Variants in NRXN1 observed in about 807,000 individuals in gnomAD.
NRXN1 encodes the protein neurexin 1.
A neutral mutation model predicts 150.9 loss-of-function variants in NRXN1; 39 were observed. The observed-to-expected ratio is 0.26, with a 90% CI of 0.20 to 0.34. The LOEUF (loss-of-function observed/expected upper bound fraction) is 0.34, where lower values mean the gene tolerates loss of function less well. Among genes scored for constraint, NRXN1 ranks in the 10% least tolerant of loss-of-function variants. The probability of loss-of-function intolerance (pLI) is 1.00; values close to 1 mark genes in which losing one functional copy is unlikely to be tolerated. For synonymous variants in NRXN1, 924 were observed against 757.0 expected, an observed-to-expected ratio of 1.22 and a Z score of -3.62; for missense variants, 1,815 against 1,949.9, an observed-to-expected ratio of 0.93 and a Z score of 1.30.
chr2:50,805,499 T>C (rs184431279), intron 5 of NRXN1, among the ~76,000 whole-genome samples: 57 of 151,874 alleles, frequency 3.8e-4, no homozygotes, highest in African/African-American at 1.4e-3. Context: ...ACTAAAAAAA[T>C]ACAAAAATTA....
At chr2:50,227,655 C>T (rs1221312695) in intron 18 of NRXN1, among the ~76,000 whole-genome samples, 1 of 151,952 alleles carries the variant, frequency 6.6e-6, no homozygotes, top group Non-Finnish European at 1.5e-5. Flanking sequence ...AACAATCATT[C>T]TGGTAGCAGT....
At chr2:50,895,885 A>T (rs571276827) in intron 5 of NRXN1, among the ~76,000 whole-genome samples, 1 of 151,972 alleles carries the variant, frequency 6.6e-6, no homozygotes, top group Admixed American at 6.6e-5. Context: ...TGGCCTATGC[A>T]AGAAATTTTA....
Position 50,496,095 on chromosome 2 carries a change from C to G in NRXN1, c.2880G>C (p.Gly960=). Reference sequence around the variant, plus strand: ...CCAAATCAAACACGTAATGTAAGTACCTGGGAAAAAAATGAAAGAGGGGAA... The same window carrying G: ...CCAAATCAAACACGTAATGTAAGTAGCTGGGAAAAAAATGAAAGAGGGGAA... ...NDFIVVELVK[G]YLHYVFDLGN... Residue 960 remains glycine, a splice_region_variant and synonymous_variant, in exon 15 of 23, where the codon GGG becomes GGC. Coordinates refer to ENST00000401669, the MANE Select transcript of NRXN1 (RefSeq NM_001330078.2). 6.3e-7 allele frequency: 1 copy of G among 1,590,328 alleles called. No individual in the cohort carries two copies. The highest frequency in any genetic ancestry group is 8.6e-7 in the Non-Finnish European group (1 of 1,167,704).
chr2:50,828,609 G>A (rs1206127213), intron 5 of NRXN1, among the ~76,000 whole-genome samples: 4 of 151,362 alleles, frequency 2.6e-5, no homozygotes, highest in East Asian at 2.0e-4. Context: ...GGGCAAAGGC[G>A]CTCCCCACAT....
intron 17 of NRXN1, among the ~76,000 whole-genome samples, chr2:50,404,930 C>G (rs915439124): frequency 6.6e-6 from 1 of 152,010 alleles, no homozygotes; most frequent in African/African-American, 2.4e-5. Context: ...GGGTGCACCT[C>G]TCTTAGGCTC....
At chr2:49,952,345 A>C (rs981477136) in intron 21 of NRXN1, among the ~76,000 whole-genome samples, 1 of 151,948 alleles carries the variant, frequency 6.6e-6, no homozygotes, top group Non-Finnish European at 1.5e-5. Flanking sequence ...ATACACACAG[A>C]CAGGAGGTGC....
At chr2:50,905,543 C>A (rs1387462295) in intron 5 of NRXN1, among the ~76,000 whole-genome samples, 2 of 152,112 alleles carry the variant, frequency 1.3e-5, no homozygotes, top group Non-Finnish European at 2.9e-5. Flanking sequence ...ATTTGTGTTG[C>A]AGCCACACAA....
At chr2:49,956,377 T>C (rs1674947575) in intron 21 of NRXN1, among the ~76,000 whole-genome samples, 1 of 152,162 alleles carries the variant, frequency 6.6e-6, no homozygotes, top group Non-Finnish European at 1.5e-5. Context: ...CGAGAAGCAT[T>C]GTCATGTTAA....
At chr2:50,973,768 T>C (rs1245729633) in intron 2 of NRXN1, among the ~76,000 whole-genome samples, 1 of 152,136 alleles carries the variant, frequency 6.6e-6, no homozygotes. Context: ...CAAATCTGTA[T>C]CACAGAAGTT....
At chr2:50,288,409 T>C (rs1003215011) in intron 17 of NRXN1, among the ~76,000 whole-genome samples, 10 of 152,126 alleles carry the variant, frequency 6.6e-5, no homozygotes, top group Non-Finnish European at 2.9e-5. Flanking sequence ...AATGCCACAG[T>C]TGAGAAACTC....
chr2:50,523,597 T>A (rs895556284), intron 12 of NRXN1, among the ~76,000 whole-genome samples: 7 of 152,238 alleles, frequency 4.6e-5, no homozygotes, highest in Non-Finnish European at 7.3e-5. Flanking sequence ...TTGCTTTCCA[T>A]TTTTATCTAC....
At chr2:50,307,122 C>G (rs1470896732) in intron 17 of NRXN1, among the ~76,000 whole-genome samples, 1 of 151,958 alleles carries the variant, frequency 6.6e-6, no homozygotes, top group East Asian at 1.9e-4. Flanking sequence ...GCATCTGGGA[C>G]TACAGGTGTG....
intron 17 of NRXN1, among the ~76,000 whole-genome samples, chr2:50,300,863 T>C (rs2074082949): frequency 6.6e-6 from 1 of 152,128 alleles, no homozygotes; most frequent in African/African-American, 2.4e-5. Context: ...GCCTGGCTAA[T>C]TTTTGTCTTT....
chr2:50,192,896 C>T (rs1268584925), intron 18 of NRXN1, among the ~76,000 whole-genome samples: 1 of 152,154 alleles, frequency 6.6e-6, no homozygotes, highest in Admixed American at 6.6e-5. Flanking sequence ...GGATTACAGG[C>T]GTGAGCCACC....
Position 50,336,597 on chromosome 2 carries a change from T to C in NRXN1, c.3365-99627A>G, listed in dbSNP as rs76921908. 6.3e-3 allele frequency among the ~76,000 whole-genome samples: 955 copies of C among 152,358 alleles called. 12 individuals are homozygous for C. The highest frequency in any genetic ancestry group is 0.022 in the African/African-American group (917 of 41,580). On this transcript the variant is annotated intron_variant, in intron 17 of 22. Coordinates refer to ENST00000401669, the MANE Select transcript of NRXN1 (RefSeq NM_001330078.2). ...CATATAATCAGACTCATCACCACTG[T>C]TCCCTTTTAATTGTAAATCATGACT... is the stretch of plus-strand genomic sequence containing the variant.
At chr2:50,837,757 T>C (rs942899441) in intron 5 of NRXN1, among the ~76,000 whole-genome samples, 1 of 152,124 alleles carries the variant, frequency 6.6e-6, no homozygotes, top group Admixed American at 6.6e-5. Context: ...GACAAAATGT[T>C]AACAGATTTA....
intron 2 of NRXN1, among the ~76,000 whole-genome samples, chr2:50,961,803 T>G (rs985377871): frequency 6.6e-6 from 1 of 151,690 alleles, no homozygotes; most frequent in African/African-American, 2.4e-5. Context: ...AGGAGGGATT[T>G]TGTTAATTCC....
In NRXN1 at chr2:50,948,699, A is replaced by G. The variant is rs189789725; in HGVS notation, c.773-22744T>C. Among the ~76,000 whole-genome samples, 19 of 152,178 alleles carry G rather than the reference A, an allele frequency of 1.2e-4. No homozygotes were observed. In the East Asian group the frequency reaches 3.7e-3, roughly 29 times the overall value. On this transcript the variant is annotated intron_variant, in intron 2 of 22. Coordinates refer to ENST00000401669, the MANE Select transcript of NRXN1 (RefSeq NM_001330078.2). The stretch of plus-strand genomic sequence containing the variant: ...ATTAACCACTTTGGAACCTCAGAGT[A>G]GCCATATCACAGGCAAATGTCTCTT...
chr2:49,999,699 T>C (rs942856302), intron 21 of NRXN1, among the ~76,000 whole-genome samples: 4 of 152,140 alleles, frequency 2.6e-5, no homozygotes, highest in East Asian at 3.9e-4. Flanking sequence ...TACTTATTTC[T>C]TCAATTTGCC....
Sources: gnomAD v4.1 joint callset for allele counts (sites outside exome capture counted in the v4.1 genomes callset) on GRCh38, gnomAD v4.1.1 for gene constraint, MANE v1.5 for transcripts, NCBI Gene and HGNC (gene_info 2026-07-23, HGNC 2026-07-21) for gene names.